The following SYNE1 variants were observed in gnomAD, a reference collection of about 807,000 sequenced individuals.
SYNE1 encodes nesprin-1.
In SYNE1, 616 loss-of-function variants were observed where a neutral mutation model predicts 1,111.0. That is an observed-to-expected ratio of 0.55 (90% CI 0.52 to 0.59). SYNE1 has a LOEUF of 0.59. Ranked by LOEUF, SYNE1 falls within the 20% of genes least tolerant of loss-of-function variation. The pLI is 0.00. For missense variants in SYNE1, 10,006 were observed against 10,417.0 expected (o/e 0.96, Z 1.72); for synonymous variants, 3,855 against 3,825.8 (o/e 1.01, Z -0.28).
chr6:152,160,982 C>T (rs6935868), intron 131 of SYNE1, among the ~76,000 whole-genome samples: 34,382 of 151,302 alleles, frequency 0.23, 4,486 homozygotes, highest in African/African-American at 0.36. Flanking sequence ...TGTGTGTACA[C>T]ATATACGTGT....
intron 2 of SYNE1, among the ~76,000 whole-genome samples, chr6:152,634,652 A>T (rs2099703262): frequency 6.6e-6 from 1 of 152,242 alleles, no homozygotes. Flanking sequence ...ATAAGAAATG[A>T]TCTTTTCCAT....
At position 152,167,933 on chromosome 6, in the gene SYNE1, T is replaced by A. The variant is rs140512135; in HGVS notation, c.23628-3608A>T. On this transcript the variant is annotated intron_variant, in intron 130 of 145. Coordinates refer to ENST00000367255, the MANE Select transcript of SYNE1 (RefSeq NM_182961.4). ...AGCTCTGCATGCCCAGTAGAGGTAC[T>A]AGAAAACAAACCAACGAATAACTCT... 1.6e-5 allele frequency: 12 copies of A among 771,654 alleles called. No homozygotes were observed. In the African/African-American group the frequency reaches 2.0e-4, roughly 13 times the overall value. The allele number at this position is 771,654 out of a possible 1,614,324, so 47.8% of individuals were successfully genotyped here.
At chr6:152,143,239 A>C (rs957612650) in intron 138 of SYNE1, among the ~76,000 whole-genome samples, 1 of 152,218 alleles carries the variant, frequency 6.6e-6, no homozygotes, top group African/African-American at 2.4e-5. Flanking sequence ...TACCAAAAAA[A>C]CTGCATGTTA....
At chr6:152,452,794 T>A (rs2098661962) in intron 25 of SYNE1, among the ~76,000 whole-genome samples, 1 of 152,198 alleles carries the variant, frequency 6.6e-6, no homozygotes, top group South Asian at 2.1e-4. Flanking sequence ...TCAGCTCATC[T>A]CCCATGGTTC....
rs761841622 is a variant in SYNE1, at chr6:152,353,576, G to T, written c.11082+13C>A. Reference sequence around the variant, plus strand: ...TTTGCTGGTCTATGCTGAGCACCTGGTGACCCACTCACCAGCACTTGGAGA... The same window carrying T: ...TTTGCTGGTCTATGCTGAGCACCTGTTGACCCACTCACCAGCACTTGGAGA... On this transcript the variant is annotated intron_variant, in intron 68 of 145. Transcript: ENST00000367255. 1.2e-6 allele frequency: 2 copies of T among 1,614,176 alleles called. No individual in the cohort carries two copies. Among genetic ancestry groups the T allele is most frequent in the Middle Eastern group, 1.7e-4 (1 of 6,056 alleles).
intron 17 of SYNE1, 83 bp downstream of exon 17, chr6:152,465,899 A>G (rs1447902085): frequency 5.9e-6 from 6 of 1,024,670 alleles, no homozygotes; most frequent in Non-Finnish European, 9.2e-6. Context: ...ACGGACAGAA[A>G]GAATGATCTG....
At chr6:152,570,184 C>T (rs2099442275) in intron 3 of SYNE1, among the ~76,000 whole-genome samples, 1 of 152,146 alleles carries the variant, frequency 6.6e-6, no homozygotes, top group South Asian at 2.1e-4. Context: ...CACAATCTTC[C>T]ATTTTCTGTT....
At chr6:152,604,162 G>A (rs1346742455) in intron 3 of SYNE1, among the ~76,000 whole-genome samples, 3 of 148,642 alleles carry the variant, frequency 2.0e-5, no homozygotes, top group Non-Finnish European at 1.5e-5. Flanking sequence ...CCCTTTATAT[G>A]TGTGTGTGTG....
intron 53 of SYNE1, among the ~76,000 whole-genome samples, chr6:152,388,693 T>G (rs1184574872): frequency 6.6e-6 from 1 of 152,230 alleles, no homozygotes; most frequent in Non-Finnish European, 1.5e-5. Flanking sequence ...TCTGAGCTTT[T>G]AGAGGGCAAA....
Position 152,151,667 on chromosome 6 carries a change from C to T in SYNE1, c.24336G>A (p.Glu8112=). ...GAATGCTGTCCCGCGCAGTCTCAAA[C>T]TCCTCACGCTGGCCAATAAAATGCT... The part of the protein sequence containing the change: ...RLKHFIGQRE[E]FETARDSILV... The change falls in exon 135 of 146, where the codon GAG becomes GAA. Residue 8112 remains glutamate (E), a synonymous_variant. Coordinates refer to ENST00000367255, the MANE Select transcript of SYNE1 (RefSeq NM_182961.4). The T allele has an allele frequency of 1.2e-6, 2 of 1,614,138 alleles. No homozygotes were observed. The highest frequency in any genetic ancestry group is 1.7e-6 in the Non-Finnish European group (2 of 1,180,024).
In SYNE1 at chr6:152,213,706, G is replaced by A; in HGVS notation, c.22400C>T (p.Thr7467Ile). Residue 7467 changes from threonine (T) to isoleucine (I), a missense_variant, in exon 123 of 146, where the codon ACA (threonine) becomes ATA (isoleucine). By Grantham distance (89) the Thr-to-Ile change is moderately conservative. Around this residue, in one of 7 missense-constraint regions of SYNE1, gnomAD observed 2,182 missense variants for 2,287.8 expected, o/e 0.95. Coordinates refer to ENST00000367255, the MANE Select transcript of SYNE1 (RefSeq NM_182961.4). The part of the protein sequence containing the change: ...QHQTFLEKCE[T>I]WMEFLVQTEQ... ...TGTCTGAACTAGGAATTCCATCCAT[G>A]TTTCACATTTTTCCAAGAAAGTCTG... The A allele has an allele frequency of 6.2e-7, 1 of 1,614,028 alleles. No homozygotes were observed. Among genetic ancestry groups the A allele is most frequent in the Non-Finnish European group, 8.5e-7 (1 of 1,180,006 alleles).
chr6:152,502,778 T>C (rs1388889386), intron 9 of SYNE1, 36 bp from the exon 10 acceptor site: 1 of 1,429,882 alleles, frequency 7.0e-7, no homozygotes, highest in Non-Finnish European at 9.8e-7. Flanking sequence ...ATAAACTAAT[T>C]AGCATTCATT....
chr6:152,476,177 T>A (rs181765511), intron 14 of SYNE1, among the ~76,000 whole-genome samples: 59 of 152,328 alleles, frequency 3.9e-4, no homozygotes, highest in Admixed American at 6.5e-4. Context: ...AAGCTGTACT[T>A]CTTCCCTGAG....
intron 11 of SYNE1, among the ~76,000 whole-genome samples, chr6:152,494,100 G>A (rs981783319): frequency 6.6e-6 from 1 of 152,172 alleles, no homozygotes; most frequent in Non-Finnish European, 1.5e-5. Context: ...GCACAGTTCT[G>A]AGCTGGCCTT....
At chr6:152,145,603 T>C in intron 137 of SYNE1, 1 of 1,522,470 alleles carries the variant, frequency 6.6e-7, no homozygotes, top group Non-Finnish European at 9.1e-7. Flanking sequence ...CTGGAAACCC[T>C]GAATCCCTTG....
chr6:152,541,552 T>A (rs182224378), intron 3 of SYNE1, among the ~76,000 whole-genome samples: 2 of 151,896 alleles, frequency 1.3e-5, no homozygotes, highest in Admixed American at 6.6e-5. Flanking sequence ...GTCAAGACCA[T>A]CCTGGCTAAC....
Position 152,442,225 on chromosome 6 carries a change from T to C in SYNE1, c.3858A>G (p.Ser1286=). The C allele has an allele frequency of 1.2e-6, 2 of 1,613,322 alleles. No homozygotes were observed. The highest frequency in any genetic ancestry group is 1.7e-6 in the Non-Finnish European group (2 of 1,180,044). ...GCTGCTGCACATCTCTCTTCTTTGC[T>C]GAGATCCGCTTTGTCTTTTGCTAGA... is the stretch of plus-strand genomic sequence containing the variant. ...LHHQQKTKRI[S]AKKRDVQQQI... is the part of the protein sequence containing the mutation. The change falls in exon 31 of 146, where the codon TCA becomes TCG. Residue 1286 remains serine (S), a synonymous_variant. Coordinates refer to ENST00000367255, the MANE Select transcript of SYNE1 (RefSeq NM_182961.4).
intron 56 of SYNE1, among the ~76,000 whole-genome samples, chr6:152,377,609 A>T (rs1360015620): frequency 2.8e-4 from 8 of 28,546 alleles, no homozygotes; most frequent in Non-Finnish European, 5.1e-4. Flanking sequence ...ACTCCGTCTT[A>T]AAAAAAAAAA....
At chr6:152,316,573 G>A in intron 87 of SYNE1, 1 of 434,254 alleles carries the variant, frequency 2.3e-6, no homozygotes, top group Non-Finnish European at 4.2e-6. Context: ...TTTCAAAGAA[G>A]CTACAGAAAA....
Sources: gnomAD v4.1 joint callset for allele counts (sites outside exome capture counted in the v4.1 genomes callset) on GRCh38, gnomAD v4.1.1 for gene constraint, gnomAD v4.1.1 regional missense constraint, MANE v1.5 for transcripts, NCBI Gene and HGNC (gene_info 2026-07-23, HGNC 2026-07-21) for gene names.